The following SAXO5 variants were observed in gnomAD, a reference collection of about 807,000 sequenced individuals.
SAXO5 encodes the protein stabilizer of axonemal microtubules 5.
chr19:7,507,411 C>T, the SAXO5 span, among the ~76,000 whole-genome samples: 4 of 151,894 alleles, frequency 2.6e-5, no homozygotes, highest in Non-Finnish European at 5.9e-5. Context: ...GGTGAAACCC[C>T]GTCTCTACTA....
the SAXO5 span, chr19:7,507,218 C>A: frequency 8.1e-7 from 1 of 1,236,808 alleles, no homozygotes; most frequent in Non-Finnish European, 1.2e-6. Context: ...GACGACTATG[C>A]TGTCACCCTG....
the SAXO5 span, chr19:7,508,168 C>A: frequency 6.3e-7 from 1 of 1,581,774 alleles, no homozygotes; most frequent in Non-Finnish European, 8.7e-7. Flanking sequence ...GGCCACCTCC[C>A]AGGCTGCCCT....
chr19:7,505,793 G>C, the SAXO5 span, among the ~76,000 whole-genome samples: 1 of 152,204 alleles, frequency 6.6e-6, no homozygotes, highest in African/African-American at 2.4e-5. Flanking sequence ...ATCCTCCTCC[G>C]TGGCTCCTTC....
chr19:7,501,387 A>G, the SAXO5 span: 2 of 1,496,660 alleles, frequency 1.3e-6, no homozygotes, highest in East Asian at 2.6e-5. Context: ...TCGCGCGCCC[A>G]GTTGCCACCT....
At chr19:7,498,115 G>T in the SAXO5 span, among the ~76,000 whole-genome samples, 3 of 143,860 alleles carry the variant, frequency 2.1e-5, no homozygotes, top group African/African-American at 7.9e-5. Flanking sequence ...AAAAAAAAAA[G>T]CAACAAACTT....
At chr19:7,500,680 A>C in the SAXO5 span, 12 of 726,934 alleles carry the variant, frequency 1.7e-5, no homozygotes, top group African/African-American at 3.8e-5. Context: ...TGATGTCCCC[A>C]GCCTCCAGCT....
the SAXO5 span, among the ~76,000 whole-genome samples, chr19:7,498,265 C>T: frequency 1.4e-3 from 214 of 149,998 alleles, no homozygotes; most frequent in Non-Finnish European, 2.6e-3. Context: ...GGCTGGAGTG[C>T]GGTAGCGTGG....
chr19:7,505,214 C>T, the SAXO5 span: 1 of 1,016,660 alleles, frequency 9.8e-7, no homozygotes, highest in Non-Finnish European at 1.5e-6. Flanking sequence ...AAAGCCTGAC[C>T]TCAGGTGATC....
the SAXO5 span, among the ~76,000 whole-genome samples, chr19:7,501,838 A>G: frequency 1.3e-5 from 2 of 151,296 alleles, no homozygotes; most frequent in South Asian, 2.1e-4. Context: ...GGAAAGAAAG[A>G]AAGGAAGAAG....
At chr19:7,506,540 T>C in the SAXO5 span, 2 of 363,274 alleles carry the variant, frequency 5.5e-6, no homozygotes, top group South Asian at 4.3e-5. Flanking sequence ...ATTGTCAGAC[T>C]CTGGCTCCGC....
the SAXO5 span, among the ~76,000 whole-genome samples, chr19:7,503,550 T>C: frequency 6.6e-6 from 1 of 152,004 alleles, no homozygotes. Flanking sequence ...AGTGGCACGA[T>C]CTCGGCTCAC....
chr19:7,508,405 T>G, the SAXO5 span: 1 of 1,612,050 alleles, frequency 6.2e-7, no homozygotes, highest in South Asian at 1.1e-5. Context: ...CAGCCCCCTA[T>G]GTACCTGTGC....
the SAXO5 span, among the ~76,000 whole-genome samples, chr19:7,502,051 C>A: frequency 6.6e-6 from 1 of 151,504 alleles, no homozygotes; most frequent in African/African-American, 2.4e-5. Context: ...CCAGCCTGGG[C>A]AACATAGCGA....
At chr19:7,503,227 G>A in the SAXO5 span, among the ~76,000 whole-genome samples, 1 of 152,018 alleles carries the variant, frequency 6.6e-6, no homozygotes, top group African/African-American at 2.4e-5. Context: ...GCCTGACCTG[G>A]TGGTGCGTTC....
the SAXO5 span, chr19:7,505,332 A>C: frequency 1.9e-6 from 3 of 1,614,138 alleles, no homozygotes; most frequent in Non-Finnish European, 2.5e-6. Flanking sequence ...AGGTATGACA[A>C]GGCCCAGGCC....
the SAXO5 span, chr19:7,500,795 C>G: frequency 7.0e-7 from 1 of 1,431,558 alleles, no homozygotes. Context: ...CTCATCTCCA[C>G]CCTCTCGCAG....
chr19:7,498,800 C>A, the SAXO5 span: 1 of 152,368 alleles, frequency 6.6e-6, no homozygotes, highest in East Asian at 1.9e-4. Flanking sequence ...ATGCTGGTCT[C>A]CAAGGGAGAC....
the SAXO5 span, among the ~76,000 whole-genome samples, chr19:7,507,580 A>G: frequency 7.4e-6 from 1 of 134,960 alleles, no homozygotes; most frequent in Non-Finnish European, 1.7e-5. Flanking sequence ...ACTCTGCCTC[A>G]AAAAAAGGAA....
At chr19:7,507,182 C>T in the SAXO5 span, 7 of 1,526,938 alleles carry the variant, frequency 4.6e-6, no homozygotes, top group Middle Eastern at 1.7e-4. Flanking sequence ...TTAGGCAACC[C>T]CCACATTGGT....
Sources: allele counts gnomAD v4.1 joint callset (sites outside exome capture counted in the v4.1 genomes callset), GRCh38; gene constraint gnomAD v4.1.1; transcripts MANE v1.5; gene names NCBI Gene and HGNC (gene_info 2026-07-23, HGNC 2026-07-21).